The following MBD5 variants were observed in gnomAD, a reference collection of about 807,000 sequenced individuals.
MBD5 encodes methyl-CpG binding domain protein 5.
In MBD5, 13 loss-of-function variants were observed where a neutral mutation model predicts 117.3. The ratio of observed to expected loss-of-function variants is 0.11; its 90% CI spans 0.07 to 0.18. The LOEUF is 0.18. Ranked by LOEUF, MBD5 falls within the 10% of genes least tolerant of loss-of-function variation. The probability of loss-of-function intolerance (pLI) is 1.00; values close to 1 mark genes in which losing one functional copy is unlikely to be tolerated. For synonymous variants in MBD5, 727 were observed against 766.4 expected (o/e 0.95, Z 0.85); for missense variants, 1,879 against 2,093.8 (o/e 0.90, Z 2.00).
intron 3 of MBD5, among the ~76,000 whole-genome samples, 199 bp downstream of exon 3, chr2:148,233,594 C>T (rs1432877246): frequency 1.3e-5 from 2 of 152,112 alleles, no homozygotes; most frequent in East Asian, 3.9e-4. Context: ...TGCATTTGCC[C>T]TTACCTCTAG....
intron 4 of MBD5, among the ~76,000 whole-genome samples, chr2:148,386,947 A>G (rs971924465): frequency 3.9e-5 from 6 of 152,158 alleles, no homozygotes; most frequent in Non-Finnish European, 5.9e-5. Context: ...AAAAAGCTTC[A>G]GGCCTACATG....
intron 2 of MBD5, among the ~76,000 whole-genome samples, chr2:148,209,908 T>A (rs1699378492): frequency 6.6e-6 from 1 of 152,150 alleles, no homozygotes; most frequent in Admixed American, 6.5e-5. Flanking sequence ...GTCCCCATGA[T>A]CCAAACACCT....
At chr2:148,302,419 T>G (rs969947352) in intron 3 of MBD5, among the ~76,000 whole-genome samples, 1 of 152,202 alleles carries the variant, frequency 6.6e-6, no homozygotes, top group Non-Finnish European at 1.5e-5. Context: ...TAAAGCTACC[T>G]AAGACACAGA....
At chr2:148,053,898 CTTTCTTTT>C (rs1438566714) in intron 1 of MBD5, 3 of 141,302 alleles carry the variant, frequency 2.1e-5, no homozygotes, top group Non-Finnish European at 4.6e-5. Flanking sequence ...TTTTATCTTT[CTTTCTTTT>C]TTTCTTTTTT....
intron 4 of MBD5, among the ~76,000 whole-genome samples, chr2:148,392,485 A>C (rs1464924725): frequency 6.6e-6 from 1 of 152,188 alleles, no homozygotes; most frequent in Non-Finnish European, 1.5e-5. Context: ...TTTCACGCAC[A>C]ATGCTGATGA....
intron 1 of MBD5, among the ~76,000 whole-genome samples, chr2:148,152,371 A>G (rs1170254130): frequency 6.6e-6 from 1 of 152,092 alleles, no homozygotes; most frequent in East Asian, 1.9e-4. Flanking sequence ...TTTGTGGTCA[A>G]TTTGGAATAG....
At chr2:148,411,453 C>T (rs1207051146) in intron 4 of MBD5, among the ~76,000 whole-genome samples, 1 of 151,442 alleles carries the variant, frequency 6.6e-6, no homozygotes, top group Non-Finnish European at 1.5e-5. Context: ...AACCAGTTTG[C>T]ACTGCCACCA....
intron 4 of MBD5, among the ~76,000 whole-genome samples, chr2:148,398,795 G>A (rs1026608217): frequency 1.2e-4 from 19 of 152,262 alleles, no homozygotes; most frequent in African/African-American, 4.6e-4. Flanking sequence ...GGTCTAACAT[G>A]TAAGTCTTTA....
At chr2:148,196,340 T>C (rs542258602) in intron 2 of MBD5, 9 of 152,214 alleles carry the variant, frequency 5.9e-5, no homozygotes, top group African/African-American at 1.7e-4. Context: ...TTATGACTAG[T>C]GTAGGTAATT....
At chr2:148,432,994 A>G (rs973916256) in intron 4 of MBD5, among the ~76,000 whole-genome samples, 5 of 152,144 alleles carry the variant, frequency 3.3e-5, no homozygotes, top group Non-Finnish European at 7.4e-5. Context: ...CTTCCTGTCC[A>G]TGAATATGGA....
chr2:148,515,853 A>G lies in MBD5; in HGVS notation c.*2912A>G, dbSNP rs1682334330. The G allele has an allele frequency of 6.6e-6, 1 of 152,246 alleles. No individual in the cohort carries two copies. The highest frequency in any genetic ancestry group is 6.5e-5 in the Admixed American group (1 of 15,290). 9.4% of individuals were successfully genotyped at this position (152,246 alleles called of 1,614,324 possible). ...AATTATTTCAAATGAGTGAAAATTA[A>G]CTGAGCAGCTTTTGTGTGATTTGTC... On this transcript the variant is annotated 3_prime_UTR_variant, in exon 14 of 14. Coordinates refer to ENST00000642680, the MANE Select transcript of MBD5 (RefSeq NM_001378120.1).
chr2:148,197,381 C>T (rs538744051), intron 2 of MBD5, among the ~76,000 whole-genome samples: 1 of 152,242 alleles, frequency 6.6e-6, no homozygotes, highest in Admixed American at 6.5e-5. Context: ...TTTAAACAAA[C>T]TAATGATTGT....
chr2:148,186,027 A>G (rs1326127828), intron 2 of MBD5, among the ~76,000 whole-genome samples: 4 of 152,226 alleles, frequency 2.6e-5, no homozygotes, highest in Non-Finnish European at 5.9e-5. Context: ...AACACACAGA[A>G]TGTTAGGACT....
intron 4 of MBD5, among the ~76,000 whole-genome samples, chr2:148,353,638 T>A (rs1220039727): frequency 2.0e-5 from 3 of 152,102 alleles, no homozygotes; most frequent in Non-Finnish European, 4.4e-5. Flanking sequence ...TGGAGTATAG[T>A]AGCATAATTG....
intron 4 of MBD5, among the ~76,000 whole-genome samples, chr2:148,343,613 A>G (rs569005602): frequency 6.6e-6 from 1 of 152,006 alleles, no homozygotes; most frequent in Non-Finnish European, 1.5e-5. Flanking sequence ...CCCAATTTTT[A>G]ATGGGGCTGT....
chr2:148,376,195 A>G (rs1703980388), intron 4 of MBD5, among the ~76,000 whole-genome samples: 1 of 151,930 alleles, frequency 6.6e-6, no homozygotes, highest in South Asian at 2.1e-4. Context: ...ACTTTGTAAA[A>G]ATTTGTTAAG....
intron 1 of MBD5, among the ~76,000 whole-genome samples, chr2:148,063,529 G>A (rs1230205838): frequency 6.7e-6 from 1 of 148,824 alleles, no homozygotes; most frequent in African/African-American, 2.5e-5. Context: ...ATAAATGAAT[G>A]AGCATTGCTA....
intron 3 of MBD5, among the ~76,000 whole-genome samples, chr2:148,241,805 A>G (rs1043450397): frequency 2.6e-5 from 4 of 151,964 alleles, no homozygotes; most frequent in Non-Finnish European, 4.4e-5. Flanking sequence ...CACTCTTTCT[A>G]TTTCTGCCTT....
intron 2 of MBD5, among the ~76,000 whole-genome samples, chr2:148,231,274 A>G (rs1337371339): frequency 2.6e-5 from 4 of 152,046 alleles, no homozygotes; most frequent in Non-Finnish European, 4.4e-5. Context: ...CCTGGTTAAA[A>G]TGCTCCTTTT....
Sources: gnomAD v4.1 joint callset for allele counts (sites outside exome capture counted in the v4.1 genomes callset) on GRCh38, gnomAD v4.1.1 for gene constraint, MANE v1.5 for transcripts, NCBI Gene and HGNC (gene_info 2026-07-23, HGNC 2026-07-21) for gene names.